HPSE2: variants seen among roughly 807,000 people sequenced by gnomAD.
The protein encoded by HPSE2 is heparanase 2 (inactive).
HPSE2 carries 38 observed loss-of-function variants against 60.5 expected under a neutral mutation model. The observed-to-expected ratio is 0.63, with a 90% CI of 0.48 to 0.82. HPSE2 has a LOEUF of 0.82. Ranked by LOEUF, HPSE2 falls within the 40% of genes least tolerant of loss-of-function variation. The pLI, the probability that HPSE2 is intolerant of heterozygous loss-of-function variation, is 0.00. For synonymous variants in HPSE2, 295 were observed against 293.2 expected (o/e 1.01, Z -0.06); for missense variants, 713 against 740.4 (o/e 0.96, Z 0.43).
chr10:98,499,259 C>T (rs1941951982), intron 9 of HPSE2, among the ~76,000 whole-genome samples: 2 of 152,194 alleles, frequency 1.3e-5, no homozygotes, highest in South Asian at 4.1e-4. Context: ...ACAGAAACAC[C>T]AGGTAACCTA....
At chr10:98,661,351 T>C (rs1201648313) in intron 6 of HPSE2, among the ~76,000 whole-genome samples, 1 of 152,180 alleles carries the variant, frequency 6.6e-6, no homozygotes, top group Non-Finnish European at 1.5e-5. Context: ...TTTATTTAAT[T>C]TTAGTTCCTG....
At chr10:98,554,238 C>T (rs1306969968) in intron 9 of HPSE2, among the ~76,000 whole-genome samples, 1 of 152,186 alleles carries the variant, frequency 6.6e-6, no homozygotes, top group South Asian at 2.1e-4. Flanking sequence ...TATACAACAA[C>T]ATCCAAACTC....
At chr10:98,696,744 C>G (rs1565087922) in intron 5 of HPSE2, among the ~76,000 whole-genome samples, 1 of 152,194 alleles carries the variant, frequency 6.6e-6, no homozygotes, top group Non-Finnish European at 1.5e-5. Flanking sequence ...GGAGGGGCGA[C>G]AGCCAACTCT....
intron 9 of HPSE2, among the ~76,000 whole-genome samples, chr10:98,504,195 AT>A (rs1302515836): frequency 6.6e-6 from 1 of 152,030 alleles, no homozygotes; most frequent in Non-Finnish European, 1.5e-5. Flanking sequence ...TTTTTTAAAC[AT>A]TTTGTTTTTC....
At chr10:98,592,872 C>A (rs918132564) in intron 9 of HPSE2, among the ~76,000 whole-genome samples, 1 of 152,110 alleles carries the variant, frequency 6.6e-6, no homozygotes, top group Non-Finnish European at 1.5e-5. Flanking sequence ...GCCATTCTGT[C>A]CATTTTATAG....
intron 3 of HPSE2, among the ~76,000 whole-genome samples, chr10:98,883,408 CAT>C (rs1279519590): frequency 6.6e-6 from 1 of 152,036 alleles, no homozygotes; most frequent in African/African-American, 2.4e-5. Flanking sequence ...ATTCTAAAAA[CAT>C]AGACATTCAC....
chr10:99,027,673 CACT>C (rs1273688801), intron 3 of HPSE2, among the ~76,000 whole-genome samples: 6 of 111,692 alleles, frequency 5.4e-5, no homozygotes, highest in African/African-American at 1.0e-4. Flanking sequence ...CCACCACCAC[CACT>C]ACCACCACCA....
At chr10:99,257,687 C>A in the HPSE2 span, among the ~76,000 whole-genome samples, 2 of 152,142 alleles carry the variant, frequency 1.3e-5, no homozygotes, top group African/African-American at 4.8e-5. Flanking sequence ...GCCCTGCCTC[C>A]ATTTGCCTTG....
At chr10:98,832,629 C>T (rs1951707889) in intron 3 of HPSE2, among the ~76,000 whole-genome samples, 2 of 152,062 alleles carry the variant, frequency 1.3e-5, no homozygotes, top group Admixed American at 1.3e-4. Context: ...TGGTCAGGAT[C>T]CACGTGGGAA....
At chr10:98,617,694 G>A (rs77592692) in intron 8 of HPSE2, among the ~76,000 whole-genome samples, 1 of 152,178 alleles carries the variant, frequency 6.6e-6, no homozygotes, top group Non-Finnish European at 1.5e-5. Context: ...GCTACAGACA[G>A]TTGATAAAAT....
intron 3 of HPSE2, among the ~76,000 whole-genome samples, chr10:98,965,867 T>C (rs942237531): frequency 1.3e-5 from 2 of 152,158 alleles, no homozygotes; most frequent in African/African-American, 4.8e-5. Flanking sequence ...TGTTCATTCA[T>C]TCAGTCATTT....
At chr10:98,984,897 G>C (rs983429353) in intron 3 of HPSE2, among the ~76,000 whole-genome samples, 5 of 152,172 alleles carry the variant, frequency 3.3e-5, no homozygotes, top group African/African-American at 1.2e-4. Flanking sequence ...ATCAGTGATG[G>C]AAGATCAAAT....
chr10:99,091,950 A>G (rs1891463), intron 3 of HPSE2, among the ~76,000 whole-genome samples: 72,203 of 152,060 alleles, frequency 0.47, 19,499 homozygotes, highest in Non-Finnish European at 0.61. Flanking sequence ...CATGAGCTCA[A>G]TTGCTGAGAA....
chr10:98,690,744 C>T (rs972678382), intron 6 of HPSE2, among the ~76,000 whole-genome samples: 1 of 151,652 alleles, frequency 6.6e-6, no homozygotes, highest in African/African-American at 2.4e-5. Context: ...ATACAAGCTA[C>T]TCCACTATAC....
chr10:98,755,003 AG>A (rs1949845644), intron 3 of HPSE2, among the ~76,000 whole-genome samples: 1 of 43,496 alleles, frequency 2.3e-5, no homozygotes, highest in Non-Finnish European at 1.0e-4. Flanking sequence ...ACAAGATGAC[AG>A]GATCAAATCT....
chr10:99,142,920 A>G (rs10883280), intron 3 of HPSE2, among the ~76,000 whole-genome samples: 74,723 of 151,756 alleles, frequency 0.49, 20,857 homozygotes, highest in East Asian at 0.65. Flanking sequence ...AAAATATTTC[A>G]TTTCCACTCA....
intron 7 of HPSE2, among the ~76,000 whole-genome samples, chr10:98,626,105 C>CAAA (rs577298322): frequency 0.01 from 781 of 75,412 alleles, 6 homozygotes; most frequent in Middle Eastern, 0.036. Flanking sequence ...GACTCCGTCT[C>CAAA]AAAAAAAAAA....
chr10:98,734,205 G>C (rs1949294193), intron 4 of HPSE2, among the ~76,000 whole-genome samples: 1 of 152,148 alleles, frequency 6.6e-6, no homozygotes, highest in Admixed American at 6.5e-5. Context: ...GCAGCACATA[G>C]TATTTCTTTG....
chr10:99,307,547 G>C, the HPSE2 span, among the ~76,000 whole-genome samples: 1 of 152,154 alleles, frequency 6.6e-6, no homozygotes, highest in East Asian at 1.9e-4. Flanking sequence ...AACACCCTAT[G>C]CCTTAAACAC....
Sources: allele counts gnomAD v4.1 joint callset (sites outside exome capture counted in the v4.1 genomes callset), GRCh38; gene constraint gnomAD v4.1.1; transcripts MANE v1.5; gene names NCBI Gene and HGNC (gene_info 2026-07-23, HGNC 2026-07-21).